NLGN1: variants seen among roughly 807,000 people sequenced by gnomAD.
The protein encoded by NLGN1 is neuroligin-1.
A neutral mutation model predicts 65.5 loss-of-function variants in NLGN1; 12 were observed. That is an observed-to-expected ratio of 0.18 (90% CI 0.12 to 0.30). NLGN1 has a LOEUF of 0.30. Among genes scored for constraint, NLGN1 ranks in the 10% least tolerant of loss-of-function variants. NLGN1 has a pLI of 1.00. For missense variants in NLGN1, 750 were observed against 1,007.1 expected (o/e 0.74, Z 3.46); for synonymous variants, 350 against 359.5 (o/e 0.97, Z 0.30).
At chr3:173,622,586 G>GA (rs530414476) in intron 3 of NLGN1, among the ~76,000 whole-genome samples, 2,103 of 143,288 alleles carry the variant, frequency 0.015, 60 homozygotes, top group African/African-American at 0.049. Context: ...AAAAGAGGAG[G>GA]AAAAAAAAAA....
intron 3 of NLGN1, among the ~76,000 whole-genome samples, chr3:173,667,243 A>G (rs1406802676): frequency 6.7e-6 from 1 of 149,270 alleles, no homozygotes; most frequent in African/African-American, 2.4e-5. Context: ...GCATATGCAC[A>G]CACACACACA....
chr3:173,593,892 A>G (rs1748981748), intron 2 of NLGN1, among the ~76,000 whole-genome samples: 1 of 152,110 alleles, frequency 6.6e-6, no homozygotes, highest in East Asian at 1.9e-4. Context: ...AAAAGCAGAA[A>G]CTCCTGATAA....
chr3:173,944,434 G>A (rs760725034), intron 4 of NLGN1, among the ~76,000 whole-genome samples: 1 of 152,050 alleles, frequency 6.6e-6, no homozygotes, highest in Non-Finnish European at 1.5e-5. Flanking sequence ...CTCTATGTTA[G>A]AAATAAATAG....
rs1056038682 is a variant in NLGN1, at chr3:174,264,940, C to T, written c.647-10375C>T. 1.1e-3 allele frequency among the ~76,000 whole-genome samples: 165 copies of T among 152,182 alleles called. 1 individual carries two copies. The highest frequency in any genetic ancestry group is 3.7e-3 in the African/African-American group (155 of 41,540). On this transcript the variant is annotated intron_variant, in intron 4 of 6. Transcript: ENST00000457714. ...GCTGCAGGTCTGTTGGAATACCCTG[C>T]TGTGTGAGGTGTCAGTGTGCCCCTG...
chr3:173,535,421 G>A lies in NLGN1; in HGVS notation c.-320-68858G>A, dbSNP rs116429145. Reference sequence around the variant, plus strand: ...TTTTGCTTTGTGATGCAGCAGTGTAGCAGAACTCACTTATTAAGTAGCGTG... The same window carrying A: ...TTTTGCTTTGTGATGCAGCAGTGTAACAGAACTCACTTATTAAGTAGCGTG... On this transcript the variant is annotated intron_variant, in intron 2 of 6. Transcript: ENST00000457714. Among the ~76,000 whole-genome samples, 1,017 of 152,290 alleles carry A rather than the reference G, an allele frequency of 6.7e-3. 17 individuals are homozygous for A. Among genetic ancestry groups the A allele is most frequent in the African/African-American group, 0.023 (962 of 41,550 alleles).
At chr3:173,765,187 A>C (rs917495734) in intron 3 of NLGN1, among the ~76,000 whole-genome samples, 7 of 152,032 alleles carry the variant, frequency 4.6e-5, no homozygotes, top group African/African-American at 1.7e-4. Flanking sequence ...CTGGTTCATG[A>C]GGACTAAAAA....
intron 4 of NLGN1, among the ~76,000 whole-genome samples, chr3:173,904,537 G>T (rs1483029670): frequency 3.3e-5 from 5 of 149,290 alleles, no homozygotes; most frequent in Admixed American, 3.3e-4. Context: ...AGTTTCAAGT[G>T]CATAACCACA....
chr3:173,704,485 A>G (rs138542898), intron 3 of NLGN1, among the ~76,000 whole-genome samples: 55 of 152,306 alleles, frequency 3.6e-4, no homozygotes, highest in African/African-American at 9.6e-4. Flanking sequence ...ATAAAAATCA[A>G]TGTTTCATTT....
At chr3:174,036,579 T>A (rs1304593757) in intron 4 of NLGN1, among the ~76,000 whole-genome samples, 3 of 76,796 alleles carry the variant, frequency 3.9e-5, no homozygotes, top group Non-Finnish European at 7.4e-5. Flanking sequence ...AATAGGTTTT[T>A]TGTTGTTTTT....
intron 4 of NLGN1, among the ~76,000 whole-genome samples, chr3:174,237,438 A>G (rs112899700): frequency 0.017 from 2,564 of 152,342 alleles, 84 homozygotes; most frequent in African/African-American, 0.059. Flanking sequence ...TTGATTCATC[A>G]TTCAGTCAGC....
intron 4 of NLGN1, among the ~76,000 whole-genome samples, chr3:174,256,954 A>G (rs1201452453): frequency 6.6e-6 from 1 of 152,212 alleles, no homozygotes; most frequent in Non-Finnish European, 1.5e-5. Context: ...TAAAGAAATT[A>G]TCAACAGAGA....
chr3:174,017,813 G>A (rs910403239), intron 4 of NLGN1, among the ~76,000 whole-genome samples: 1 of 152,092 alleles, frequency 6.6e-6, no homozygotes, highest in African/African-American at 2.4e-5. Context: ...CTGGAGGCAG[G>A]GTGAGATCAC....
chr3:173,810,180 A>C (rs999987860), intron 4 of NLGN1, among the ~76,000 whole-genome samples: 2 of 152,238 alleles, frequency 1.3e-5, no homozygotes, highest in Non-Finnish European at 2.9e-5. Context: ...TTAATTCATA[A>C]AAAAGAAATT....
intron 4 of NLGN1, among the ~76,000 whole-genome samples, chr3:174,192,396 G>A (rs192918951): frequency 2.6e-5 from 4 of 152,042 alleles, no homozygotes; most frequent in Non-Finnish European, 2.9e-5. Flanking sequence ...TAGTTGCTTC[G>A]GTGTTCTAAG....
At chr3:173,859,311 C>T (rs1456366064) in intron 4 of NLGN1, among the ~76,000 whole-genome samples, 1 of 152,068 alleles carries the variant, frequency 6.6e-6, no homozygotes, top group African/African-American at 2.4e-5. Context: ...TAGTTACTGA[C>T]TTCCTGTTTC....
intron 4 of NLGN1, among the ~76,000 whole-genome samples, chr3:173,986,340 G>C (rs1194165875): frequency 6.6e-6 from 1 of 151,966 alleles, no homozygotes; most frequent in African/African-American, 2.4e-5. Flanking sequence ...GGTGGTGCGT[G>C]CCTGTAATCC....
intron 4 of NLGN1, among the ~76,000 whole-genome samples, chr3:173,969,938 A>G (rs1046513471): frequency 1.3e-5 from 2 of 152,018 alleles, no homozygotes; most frequent in African/African-American, 4.8e-5. Context: ...TCTAACCACA[A>G]AATAAAACAT....
At chr3:173,979,299 A>G (rs1240425323) in intron 4 of NLGN1, among the ~76,000 whole-genome samples, 1 of 152,118 alleles carries the variant, frequency 6.6e-6, no homozygotes, top group East Asian at 1.9e-4. Context: ...ACTTTGTTTG[A>G]TGAGAAACAC....
At chr3:173,847,760 T>G (rs1455392672) in intron 4 of NLGN1, among the ~76,000 whole-genome samples, 2 of 152,108 alleles carry the variant, frequency 1.3e-5, no homozygotes, top group African/African-American at 4.8e-5. Context: ...TAGTCCCACC[T>G]ACTCAGGAAG....
Sources: allele counts gnomAD v4.1 joint callset (sites outside exome capture counted in the v4.1 genomes callset), GRCh38; gene constraint gnomAD v4.1.1; transcripts MANE v1.5; gene names NCBI Gene and HGNC (gene_info 2026-07-23, HGNC 2026-07-21).